The following S100B variants were observed in gnomAD, a reference collection of about 807,000 sequenced individuals.
The protein encoded by S100B is S100 calcium binding protein B, also known as protein S100-B.
Under a neutral mutation model 7.7 loss-of-function variants are expected in S100B, and 6 were observed. The observed-to-expected ratio is 0.78, with a 90% CI of 0.43 to 1.54. S100B has a LOEUF of 1.54. S100B is among the 40% of genes most tolerant of loss of function. S100B has a pLI of 0.01. For missense variants in S100B, 99 were observed against 111.8 expected (o/e 0.89, Z 0.52); for synonymous variants, 36 against 40.4 (o/e 0.89, Z 0.41).
At chr21:46,602,970 A>G (rs1195016195) in intron 1 of S100B, 1 of 152,526 alleles carries the variant, frequency 6.6e-6, no homozygotes, top group African/African-American at 2.4e-5. Flanking sequence ...AAAATATCCT[A>G]TGCATATAGC....
At position 46,602,296 on chromosome 21, in the gene S100B, C is replaced by G; in HGVS notation, c.120G>C (p.Glu40Asp). The G allele has an allele frequency of 6.2e-7, 1 of 1,613,430 alleles. No individual in the cohort carries two copies. ...KSELKELINN[E>D]LSHFLEEIKE... ...GACTCACCTCTAAGAAATGGGAAAG[C>G]TCATTGTTGATGAGCTCCTTCAGTT... Residue 40 changes from glutamate (E) to aspartate (D), a missense_variant, in exon 2 of 3, where the codon GAG becomes GAC. By Grantham distance (45) the Glu-to-Asp change is conservative (BLOSUM62 2). Coordinates refer to ENST00000291700, the MANE Select transcript of S100B (RefSeq NM_006272.3).
intron 1 of S100B, chr21:46,602,729 AG>A: frequency 4.1e-6 from 1 of 244,144 alleles, no homozygotes; most frequent in Middle Eastern, 1.4e-3. Context: ...ATACAGAGGC[AG>A]AGCAGCAAGG....
At chr21:46,600,658 A>G (rs1477225710) in intron 2 of S100B, among the ~76,000 whole-genome samples, 1 of 152,192 alleles carries the variant, frequency 6.6e-6, no homozygotes, top group Non-Finnish European at 1.5e-5. Context: ...TATATTATAC[A>G]TCTGCTTCCG....
intron 1 of S100B, 170 bp from the exon 2 acceptor site, chr21:46,602,586 CT>C: frequency 1.6e-6 from 1 of 617,470 alleles, no homozygotes; most frequent in Non-Finnish European, 2.7e-6. Flanking sequence ...GGAATTTGCA[CT>C]TTTATCATAA....
At chr21:46,603,234 A>G (rs1418350205) in intron 1 of S100B, among the ~76,000 whole-genome samples, 1 of 151,818 alleles carries the variant, frequency 6.6e-6, no homozygotes, top group Non-Finnish European at 1.5e-5. Flanking sequence ...TTGATCTACC[A>G]GGAAAAAAAA....
At chr21:46,599,690 G>A (rs1300772459) in intron 2 of S100B, among the ~76,000 whole-genome samples, 187 bp from the exon 3 acceptor site, 1 of 152,078 alleles carries the variant, frequency 6.6e-6, no homozygotes, top group African/African-American at 2.4e-5. Context: ...ATCTCTGGGG[G>A]TCAGTGTCTG....
chr21:46,599,580 G>A, intron 2 of S100B, 77 bp from the exon 3 acceptor site: 2 of 1,269,310 alleles, frequency 1.6e-6, no homozygotes, highest in Non-Finnish European at 2.3e-6. Flanking sequence ...TAAAAGTTGA[G>A]TGACTCTGAT....
chr21:46,603,987 C>G (rs1421783754), intron 1 of S100B, among the ~76,000 whole-genome samples: 1 of 152,054 alleles, frequency 6.6e-6, no homozygotes, highest in Admixed American at 6.6e-5. Context: ...TTAAACAAAA[C>G]AAGACACTTT....
At chr21:46,603,392 A>AGGGGGCGGGGGGGAGGGGGGGGCGGGGGG (rs1555923741) in intron 1 of S100B, among the ~76,000 whole-genome samples, 1 of 38,206 alleles carries the variant, frequency 2.6e-5, no homozygotes, top group African/African-American at 1.0e-4. Context: ...GGACGGCGGG[A>AGGGGGCGGGGGGGAGGGGGGGGCGGGGGG]GGGGGTGGGG....
At position 46,602,382 on chromosome 21, in the gene S100B, T is replaced by C. The variant is rs2061043728; in HGVS notation, c.34A>G (p.Ile12Val). ...CCAGAATATTGGTGGAAAACGTCGA[T>C]GAGGGCCACCATGGCCTTCTCCAGC... Reference protein sequence around the residue: ...SELEKAMVALIDVFHQYSGRE... With the variant: ...SELEKAMVALVDVFHQYSGRE... Residue 12 changes from isoleucine (I) to valine (V), a missense_variant, in exon 2 of 3, where the codon ATC becomes GTC. Ile to Val is a conservative substitution (Grantham distance 29). Transcript: ENST00000291700. 3.7e-6 allele frequency: 6 copies of C among 1,614,062 alleles called. No individual in the cohort carries two copies. The highest frequency in any genetic ancestry group is 1.3e-5 in the African/African-American group (1 of 74,934).
At position 46,599,123 on chromosome 21, in the gene S100B, CAA is replaced by C; in HGVS notation, c.*238_*239del. Reference sequence around the variant, plus strand: ...GACCTGACTCCTAAGTTACTGTTAACAAGAGTCCCTGGGGCCAGTCAGCTTAC... The same window carrying C: ...GACCTGACTCCTAAGTTACTGTTAACGAGTCCCTGGGGCCAGTCAGCTTAC... On this transcript the variant is annotated 3_prime_UTR_variant, in exon 3 of 3. Coordinates refer to ENST00000291700, the MANE Select transcript of S100B (RefSeq NM_006272.3). 1 of 531,734 alleles carries C rather than the reference CAA, an allele frequency of 1.9e-6. No individual in the cohort carries two copies. Among genetic ancestry groups the C allele is most frequent in the Non-Finnish European group, 3.3e-6 (1 of 303,012 alleles). The allele number at this position is 531,734 out of a possible 1,614,324, so 32.9% of individuals were successfully genotyped here. A position where few individuals can be genotyped will look rare whatever the true frequency, so the allele number is the denominator to read the frequency against.
In S100B at chr21:46,599,445, T is replaced by A; in HGVS notation, c.197A>T (p.Asp66Val). 6.2e-7 allele frequency: 1 copy of A among 1,613,816 alleles called. No homozygotes were observed. Among genetic ancestry groups the A allele is most frequent in the Non-Finnish European group, 8.5e-7 (1 of 1,179,732 alleles). ...KVMETLDNDG[D>V]GECDFQEFMA... ...GAATTCCTGGAAGTCACATTCGCCG[T>A]CTCCATCATTGTCCAGTGTTTCCAT... Residue 66 changes from aspartate (D) to valine (V), a missense_variant, in exon 3 of 3, where the codon GAC becomes GTC. Asp to Val is a radical substitution (Grantham distance 152). Transcript: ENST00000291700.
chr21:46,599,473 C>G lies in S100B; in HGVS notation c.169G>C (p.Val57Leu), dbSNP rs748602559. Reference protein sequence around the residue: ...EIKEQEVVDKVMETLDNDGDG... With the variant: ...EIKEQEVVDKLMETLDNDGDG... ...CCATCATTGTCCAGTGTTTCCATGA[C>G]TTTGTCCACAACCTCCTGCTCTTTG... The change falls in exon 3 of 3, where the codon GTC (valine) becomes CTC (leucine). Residue 57 changes from valine (V) to leucine (L), a missense_variant. By Grantham distance (32) the Val-to-Leu change is conservative. Coordinates refer to ENST00000291700, the MANE Select transcript of S100B (RefSeq NM_006272.3). The G allele has an allele frequency of 6.2e-7, 1 of 1,614,146 alleles. No homozygotes were observed. The highest frequency in any genetic ancestry group is 8.5e-7 in the Non-Finnish European group (1 of 1,179,978).
At chr21:46,603,474 G>A (rs910454770) in intron 1 of S100B, among the ~76,000 whole-genome samples, 1 of 142,418 alleles carries the variant, frequency 7.0e-6, no homozygotes, top group Non-Finnish European at 1.5e-5. Context: ...AGTACCTTAC[G>A]CCACAGCCTA....
At chr21:46,603,388 C>CGGGAGGGGGTGGGGGGAGGGGGGGGCGG (rs2061047212) in intron 1 of S100B, among the ~76,000 whole-genome samples, 1 of 1,280 alleles carries the variant, frequency 7.8e-4, no homozygotes, top group Non-Finnish European at 1.9e-3. Context: ...ACTGGGACGG[C>CGGGAGGGGGTGGGGGGAGGGGGGGGCGG]GGGAGGGGGT....
rs1290323297 is a variant in S100B, at chr21:46,602,422, G to A, written c.-1-6C>T. The A allele has an allele frequency of 6.2e-6, 10 of 1,609,688 alleles. No homozygotes were observed. The highest frequency in any genetic ancestry group is 6.8e-6 in the Non-Finnish European group (8 of 1,178,758). On this transcript the variant is annotated splice_region_variant and splice_polypyrimidine_tract_variant and intron_variant, in intron 1 of 2. Transcript: ENST00000291700. ...CCTTCTCCAGCTCAGACATCCTAGG[G>A]GCTCGCAAAGGAAAGTTGCCTTCTC...
At chr21:46,603,392 A>AGGGGGTG (rs796474856) in intron 1 of S100B, among the ~76,000 whole-genome samples, 7 of 38,230 alleles carry the variant, frequency 1.8e-4, no homozygotes, top group African/African-American at 6.1e-4. Flanking sequence ...GGACGGCGGG[A>AGGGGGTG]GGGGGTGGGG....
chr21:46,602,839 C>T (rs1295460387), intron 1 of S100B: 1 of 157,328 alleles, frequency 6.4e-6, no homozygotes, highest in Non-Finnish European at 1.4e-5. Context: ...GTGAGCAAAC[C>T]ATCAACTGCA....
At position 46,599,466 on chromosome 21, in the gene S100B, T is replaced by G; in HGVS notation, c.176A>C (p.Glu59Ala). 6.2e-7 allele frequency: 1 copy of G among 1,614,034 alleles called. No individual in the cohort carries two copies. Among genetic ancestry groups the G allele is most frequent in the Non-Finnish European group, 8.5e-7 (1 of 1,179,872 alleles). Residue 59 changes from glutamate to alanine, a missense_variant, in exon 3 of 3, where the codon GAA (glutamate) becomes GCA (alanine). Glu to Ala is a moderately radical substitution (Grantham distance 107, BLOSUM62 -1). Coordinates refer to ENST00000291700, the MANE Select transcript of S100B (RefSeq NM_006272.3). ...GCCGTCTCCATCATTGTCCAGTGTT[T>G]CCATGACTTTGTCCACAACCTCCTG... ...KEQEVVDKVM[E>A]TLDNDGDGEC... is the part of the protein sequence containing the mutation.
Sources: allele counts gnomAD v4.1 joint callset (sites outside exome capture counted in the v4.1 genomes callset), GRCh38; gene constraint gnomAD v4.1.1; transcripts MANE v1.5; gene names NCBI Gene and HGNC (gene_info 2026-07-23, HGNC 2026-07-21).